LINC00632: variants seen among roughly 807,000 people sequenced by gnomAD.
LINC00632 encodes long independently transcribed non-coding RNA 632, also known as ALDOA related specific transcript.
chrX:140,761,865 G>A (rs1931599410), intron 3 of LINC00632, among the ~76,000 whole-genome samples: 2 of 111,695 alleles, frequency 1.8e-5, no homozygotes, highest in African/African-American at 6.5e-5. Context: ...TGTCCTTGTG[G>A]CAGAGACTCA....
intron 2 of LINC00632, among the ~76,000 whole-genome samples, chrX:140,728,109 G>A (rs1194854505): frequency 2.7e-5 from 3 of 110,171 alleles, no homozygotes; most frequent in African/African-American, 6.6e-5. Flanking sequence ...GCATGGTGGC[G>A]CATGCCTGTA....
chrX:140,736,185 TAAC>T (rs1365327411), intron 3 of LINC00632, among the ~76,000 whole-genome samples: 3 of 110,947 alleles, frequency 2.7e-5, no homozygotes, highest in Admixed American at 9.7e-5. Flanking sequence ...AATTAAATAA[TAAC>T]TTTGTTTCTG....
At chrX:140,749,385 C>T (rs533088050) in intron 3 of LINC00632, among the ~76,000 whole-genome samples, 3 of 111,649 alleles carry the variant, frequency 2.7e-5, no homozygotes, top group Non-Finnish European at 5.6e-5. Flanking sequence ...TTTTGTGATA[C>T]GTTTTATTTT....
chrX:140,710,494 ATACAG>A (rs931638794), intron 1 of LINC00632, among the ~76,000 whole-genome samples: 5 of 111,226 alleles, frequency 4.5e-5, no homozygotes, highest in Admixed American at 1.9e-4. Context: ...ACAGCGATTT[ATACAG>A]TAAAGACAAG....
chrX:140,746,219 A>T (rs1377172629), intron 3 of LINC00632, among the ~76,000 whole-genome samples: 1 of 112,195 alleles, frequency 8.9e-6, no homozygotes, highest in African/African-American at 3.2e-5. Flanking sequence ...AAACATTTAA[A>T]ATCTACTCTT....
intron 3 of LINC00632, among the ~76,000 whole-genome samples, chrX:140,769,925 G>A (rs1265602114): frequency 8.9e-6 from 1 of 111,760 alleles, no homozygotes; most frequent in East Asian, 2.8e-4. Context: ...GCTATAAAAT[G>A]AGGACCTATT....
At chrX:140,774,812 T>TA (rs959275481) in exon 5 of LINC00632, among the ~76,000 whole-genome samples, 1 of 111,439 alleles carries the variant, frequency 9.0e-6, no homozygotes, top group African/African-American at 3.3e-5. Context: ...CATTTTTTCC[T>TA]AAAAAGTCTT....
chrX:140,779,432 G>C (rs1186345128), exon 5 of LINC00632, among the ~76,000 whole-genome samples: 1 of 111,942 alleles, frequency 8.9e-6, no homozygotes, highest in Non-Finnish European at 1.9e-5. Flanking sequence ...CCACCCGAAT[G>C]CTAATAAAGG....
chrX:140,722,364 T>TA (rs78229215), intron 2 of LINC00632, among the ~76,000 whole-genome samples: 4,088 of 93,357 alleles, frequency 0.044, 226 homozygotes, highest in African/African-American at 0.15. Flanking sequence ...CACCTGCAGT[T>TA]AAAAAAAAAA....
intron 3 of LINC00632, among the ~76,000 whole-genome samples, chrX:140,763,107 AG>A (rs1931628784): frequency 8.9e-6 from 1 of 112,276 alleles, no homozygotes; most frequent in South Asian, 3.7e-4. Flanking sequence ...AAAAAATTCA[AG>A]TAGTAGGCCA....
At chrX:140,743,336 T>C (rs1044509186) in intron 3 of LINC00632, among the ~76,000 whole-genome samples, 3 of 105,900 alleles carry the variant, frequency 2.8e-5, no homozygotes, top group Non-Finnish European at 5.7e-5. Flanking sequence ...GACACGCAGA[T>C]GAGAGACGGA....
At chrX:140,718,856 A>G (rs1439747279) in intron 2 of LINC00632, among the ~76,000 whole-genome samples, 1 of 112,206 alleles carries the variant, frequency 8.9e-6, no homozygotes, top group Non-Finnish European at 1.9e-5. Flanking sequence ...GACTCATCTC[A>G]GTTTAAGCAA....
intron 2 of LINC00632, among the ~76,000 whole-genome samples, chrX:140,730,724 A>G: frequency 9.0e-6 from 1 of 111,447 alleles, no homozygotes. Context: ...AGGCCTTACA[A>G]CACCTAGAAA....
chrX:140,744,150 T>C (rs1300540461), intron 3 of LINC00632, among the ~76,000 whole-genome samples: 1 of 110,832 alleles, frequency 9.0e-6, no homozygotes, highest in Non-Finnish European at 1.9e-5. Flanking sequence ...CCACAAGGGC[T>C]GCAAACCTGG....
At position 140,772,375 on chromosome X, in the gene LINC00632, G is replaced by C. The variant is rs112653664; in HGVS notation, n.489G>C. 2.3e-3 allele frequency: 663 copies of C among 293,828 alleles called. 1 individual carries two copies. Among genetic ancestry groups the C allele is most frequent in the Non-Finnish European group, 3.2e-3 (536 of 169,803 alleles). The allele number at this position is 293,828 out of a possible 1,213,427, so 24.2% of individuals were successfully genotyped here. On this transcript the variant is annotated non_coding_transcript_exon_variant, in exon 4 of 5. Transcript: ENST00000648200. ...CAAAAACTGGTTAGCCTTTTTATTT[G>C]TCTTGTGAATTTTATCATTTGGTTC...
chrX:140,738,957 T>C (rs1323351120), intron 3 of LINC00632, among the ~76,000 whole-genome samples: 1 of 112,142 alleles, frequency 8.9e-6, no homozygotes, highest in Admixed American at 9.6e-5. Flanking sequence ...TTCAGTATAC[T>C]GCTATTCTGA....
chrX:140,743,712 C>A (rs938749268), intron 3 of LINC00632, among the ~76,000 whole-genome samples: 2 of 111,416 alleles, frequency 1.8e-5, no homozygotes, highest in African/African-American at 6.5e-5. Flanking sequence ...TGTGAAGATA[C>A]AAGCACGTGA....
intron 4 of LINC00632, among the ~76,000 whole-genome samples, chrX:140,774,337 A>G (rs1931845597): frequency 8.9e-6 from 1 of 112,394 alleles, no homozygotes; most frequent in Admixed American, 9.5e-5. Flanking sequence ...TTACAATCCT[A>G]TAAAGCAGTA....
intron 3 of LINC00632, among the ~76,000 whole-genome samples, chrX:140,751,518 G>T (rs1931410830): frequency 9.0e-6 from 1 of 111,300 alleles, no homozygotes; most frequent in South Asian, 3.8e-4. Context: ...CGATCTGCCA[G>T]TGGGAAGAAT....
Sources: allele counts gnomAD v4.1 joint callset (sites outside exome capture counted in the v4.1 genomes callset), GRCh38; gene constraint gnomAD v4.1.1; transcripts MANE v1.5; gene names NCBI Gene and HGNC (gene_info 2026-07-23, HGNC 2026-07-21).